The following HYCC2 variants were observed in gnomAD, a reference collection of about 807,000 sequenced individuals.
HYCC2 encodes the protein hyccin 2.
the HYCC2 span, among the ~76,000 whole-genome samples, chr2:201,019,560 C>T: frequency 6.6e-6 from 1 of 151,974 alleles, no homozygotes; most frequent in African/African-American, 2.4e-5. Context: ...TCAGACCAGC[C>T]TGCACAATGT....
chr2:200,998,895 C>T, the HYCC2 span, among the ~76,000 whole-genome samples: 5 of 152,162 alleles, frequency 3.3e-5, no homozygotes, highest in African/African-American at 7.2e-5. Flanking sequence ...AAAAATCAAG[C>T]TGAAAGTCTG....
chr2:201,024,202 A>G, the HYCC2 span, among the ~76,000 whole-genome samples: 1 of 152,170 alleles, frequency 6.6e-6, no homozygotes, highest in East Asian at 1.9e-4. Context: ...TTTCAGAAGT[A>G]AGTTCTGGCT....
chr2:201,017,176 A>G, the HYCC2 span: 1 of 1,608,598 alleles, frequency 6.2e-7, no homozygotes, highest in Non-Finnish European at 8.5e-7. Flanking sequence ...AGGAGCTAAA[A>G]GGAAAATAAA....
chr2:201,012,545 C>T, the HYCC2 span, among the ~76,000 whole-genome samples: 2 of 152,140 alleles, frequency 1.3e-5, no homozygotes, highest in Non-Finnish European at 2.9e-5. Context: ...AGCTACAAGA[C>T]AGTTCTTGTG....
At chr2:200,978,663 G>A in the HYCC2 span, 1 of 151,662 alleles carries the variant, frequency 6.6e-6, no homozygotes, top group East Asian at 1.9e-4. Flanking sequence ...TTTTAGTAGA[G>A]ACAGGGTTTC....
the HYCC2 span, chr2:200,973,933 AAGGTCAAC>A: frequency 1.3e-5 from 2 of 152,114 alleles, no homozygotes; most frequent in South Asian, 4.1e-4. Context: ...AGATATTTAC[AAGGTCAAC>A]AGTGACTACA....
chr2:201,059,376 G>C, the HYCC2 span, among the ~76,000 whole-genome samples: 1 of 152,248 alleles, frequency 6.6e-6, no homozygotes, highest in Non-Finnish European at 1.5e-5. Context: ...AGGAATCCAA[G>C]TTATAGATGG....
At chr2:201,009,874 T>C in the HYCC2 span, among the ~76,000 whole-genome samples, 32 of 151,862 alleles carry the variant, frequency 2.1e-4, 3 homozygotes, top group Admixed American at 2.0e-3. Context: ...GAGGCCAAGG[T>C]GGGCAGATCA....
chr2:201,069,579 C>CACACACACAA, the HYCC2 span, among the ~76,000 whole-genome samples: 9 of 142,468 alleles, frequency 6.3e-5, no homozygotes, highest in African/African-American at 2.5e-4. Flanking sequence ...CACACACACA[C>CACACACACAA]ACACACACAC....
At chr2:200,982,856 C>G in the HYCC2 span, among the ~76,000 whole-genome samples, 1 of 152,166 alleles carries the variant, frequency 6.6e-6, no homozygotes, top group Non-Finnish European at 1.5e-5. Flanking sequence ...CTCCCAGGTT[C>G]AAGTAATTCT....
the HYCC2 span, among the ~76,000 whole-genome samples, chr2:201,009,783 T>C: frequency 1.3e-5 from 2 of 151,148 alleles, no homozygotes; most frequent in Admixed American, 6.6e-5. Flanking sequence ...AATACTAACA[T>C]TATTGAGTTC....
the HYCC2 span, among the ~76,000 whole-genome samples, chr2:201,040,464 T>G: frequency 1.3e-5 from 2 of 151,934 alleles, no homozygotes; most frequent in Non-Finnish European, 2.9e-5. Flanking sequence ...CTTTTGTTTT[T>G]TTTTTTTTGT....
the HYCC2 span, chr2:201,021,848 C>A: frequency 2.8e-6 from 1 of 356,796 alleles, no homozygotes; most frequent in Non-Finnish European, 5.5e-6. Flanking sequence ...TTATGCATAC[C>A]CAGAGTTATA....
At chr2:200,981,112 A>G in the HYCC2 span, 2 of 823,584 alleles carry the variant, frequency 2.4e-6, no homozygotes, top group African/African-American at 3.5e-5. This position sits in a 1 kb window ranked among gnomAD's most constrained non-coding sequence, Gnocchi z 4.5. Context: ...AGAAAACCTT[A>G]TTGCTGTTTT....
the HYCC2 span, among the ~76,000 whole-genome samples, chr2:201,001,079 AGTGAGCCAAGATC>A: frequency 1.3e-5 from 2 of 150,970 alleles, no homozygotes; most frequent in Non-Finnish European, 3.0e-5. Flanking sequence ...CAGAGGGTGC[AGTGAGCCAAGATC>A]GTGACACTGC....
the HYCC2 span, among the ~76,000 whole-genome samples, chr2:201,046,946 A>G: frequency 1.3e-5 from 2 of 152,200 alleles, no homozygotes; most frequent in Non-Finnish European, 2.9e-5. Flanking sequence ...GTGACCAATA[A>G]TTAAGAGAAA....
At chr2:201,063,358 C>T in the HYCC2 span, 2 of 1,574,236 alleles carry the variant, frequency 1.3e-6, no homozygotes, top group Non-Finnish European at 1.7e-6. Flanking sequence ...AGAGAGCTGT[C>T]TCGAGAGAAG....
At chr2:201,068,995 C>T in the HYCC2 span, among the ~76,000 whole-genome samples, 2 of 151,940 alleles carry the variant, frequency 1.3e-5, no homozygotes, top group Non-Finnish European at 2.9e-5. Flanking sequence ...AACAGTAACT[C>T]GGAACAAGGA....
At chr2:200,975,330 T>C in the HYCC2 span, 3 of 152,048 alleles carry the variant, frequency 2.0e-5, no homozygotes, top group African/African-American at 7.2e-5. Context: ...TCAATGAAGA[T>C]GTAAAGAACT....
Sources: allele counts gnomAD v4.1 joint callset (sites outside exome capture counted in the v4.1 genomes callset), GRCh38; gene constraint gnomAD v4.1.1; non-coding constraint Gnocchi (gnomAD v3.1); transcripts MANE v1.5; gene names NCBI Gene and HGNC (gene_info 2026-07-23, HGNC 2026-07-21).